PTPRD: variants seen among roughly 807,000 people sequenced by gnomAD.
PTPRD encodes protein tyrosine phosphatase receptor type D, also known as receptor-type tyrosine-protein phosphatase delta.
PTPRD carries 34 observed loss-of-function variants against 214.5 expected under a neutral mutation model. The observed-to-expected ratio is 0.16, with a 90% CI of 0.12 to 0.21. The LOEUF (loss-of-function observed/expected upper bound fraction) is 0.21, where lower values mean the gene tolerates loss of function less well. Among genes scored for constraint, PTPRD ranks in the 10% least tolerant of loss-of-function variants. PTPRD has a pLI of 1.00. For synonymous variants in PTPRD, 1,128 were observed against 845.7 expected (o/e 1.33, Z -5.79); for missense variants, 2,545 against 2,398.7 (o/e 1.06, Z -1.27).
intron 3 of PTPRD, among the ~76,000 whole-genome samples, chr9:10,304,486 A>G (rs559098459): frequency 6.6e-6 from 1 of 152,334 alleles, no homozygotes; most frequent in East Asian, 1.9e-4. Context: ...CTGTTTGCAG[A>G]TGACATGATT....
At chr9:8,629,792 C>A (rs577206976) in intron 14 of PTPRD, among the ~76,000 whole-genome samples, 5 of 151,900 alleles carry the variant, frequency 3.3e-5, no homozygotes, top group South Asian at 2.1e-4. Context: ...TCACCTCCCC[C>A]CTCTCCTACT....
intron 10 of PTPRD, among the ~76,000 whole-genome samples, chr9:9,134,440 C>A (rs973885404): frequency 1.1e-4 from 17 of 152,084 alleles, no homozygotes; most frequent in African/African-American, 2.4e-5. Context: ...TTGGCTTTAC[C>A]TTCTCACACC....
chr9:8,433,306 G>C (rs2095178976), intron 35 of PTPRD, among the ~76,000 whole-genome samples: 2 of 152,004 alleles, frequency 1.3e-5, no homozygotes, highest in Non-Finnish European at 2.9e-5. Context: ...CATACAATTA[G>C]GTACAGTACA....
chr9:9,422,195 T>C (rs1377787330), intron 8 of PTPRD, among the ~76,000 whole-genome samples: 11 of 152,136 alleles, frequency 7.2e-5, no homozygotes, highest in Admixed American at 7.2e-4. Context: ...TTATTATCTT[T>C]ATTTTAAAGA....
At position 10,594,316 on chromosome 9, in the gene PTPRD, T is replaced by C. The variant is rs182855691; in HGVS notation, c.-600+18082A>G. 3.6e-4 allele frequency among the ~76,000 whole-genome samples: 54 copies of C among 152,076 alleles called. No individual in the cohort carries two copies. In the East Asian group the frequency reaches 7.2e-3, roughly 20 times the overall value. On this transcript the variant is annotated intron_variant, in intron 2 of 45. Coordinates refer to ENST00000381196, the MANE Select transcript of PTPRD (RefSeq NM_002839.4). ...ACTGAACTGTATAATGTTTTTGCAG[T>C]CCTTATTACTGACACTAGAAGTGCC...
intron 6 of PTPRD, among the ~76,000 whole-genome samples, chr9:9,753,061 G>A (rs1404829868): frequency 6.6e-6 from 1 of 152,018 alleles, no homozygotes; most frequent in South Asian, 2.1e-4. Context: ...AGTATGCATT[G>A]TGAGAAGAAA....
At chr9:10,257,366 G>A (rs2498619) in intron 3 of PTPRD, among the ~76,000 whole-genome samples, 23,495 of 152,042 alleles carry the variant, frequency 0.15, 1,922 homozygotes, top group African/African-American at 0.19. Context: ...GGTACTGGTA[G>A]AGAAAGGCTC....
At chr9:9,126,565 A>T (rs1374736534) in intron 10 of PTPRD, among the ~76,000 whole-genome samples, 1 of 152,252 alleles carries the variant, frequency 6.6e-6, no homozygotes, top group Non-Finnish European at 1.5e-5. Context: ...AAACATTTCA[A>T]ATATTAAACA....
chr9:9,424,402 T>C (rs1458520269), intron 8 of PTPRD, among the ~76,000 whole-genome samples: 1 of 152,136 alleles, frequency 6.6e-6, no homozygotes, highest in Non-Finnish European at 1.5e-5. Context: ...CTGGCAACGG[T>C]CACTGGTTGA....
At chr9:8,624,814 A>C (rs2095960116) in intron 14 of PTPRD, among the ~76,000 whole-genome samples, 2 of 151,318 alleles carry the variant, frequency 1.3e-5, no homozygotes, top group Non-Finnish European at 3.0e-5. Flanking sequence ...CCTCTGTTTC[A>C]CTCTGTCTTT....
intron 4 of PTPRD, among the ~76,000 whole-genome samples, chr9:10,015,429 T>A (rs1567101570): frequency 6.6e-6 from 1 of 152,042 alleles, no homozygotes; most frequent in Admixed American, 6.6e-5. Flanking sequence ...ACACTCAAAT[T>A]ACTCATGCCT....
At chr9:9,604,028 T>C (rs1367762756) in intron 7 of PTPRD, among the ~76,000 whole-genome samples, 2 of 152,100 alleles carry the variant, frequency 1.3e-5, no homozygotes, top group African/African-American at 4.8e-5. Context: ...TATACTACTT[T>C]TAACTAAAAA....
intron 36 of PTPRD, among the ~76,000 whole-genome samples, chr9:8,401,367 T>G (rs1283339651): frequency 6.6e-6 from 1 of 152,170 alleles, no homozygotes; most frequent in Non-Finnish European, 1.5e-5. Context: ...CTCATTACAA[T>G]AAATCCTATT....
intron 34 of PTPRD, among the ~76,000 whole-genome samples, chr9:8,443,529 A>G (rs1404985171): frequency 6.6e-6 from 1 of 152,166 alleles, no homozygotes; most frequent in Non-Finnish European, 1.5e-5. Context: ...ATCACCTACC[A>G]TCCATGTATG....
At position 9,064,992 on chromosome 9, in the gene PTPRD, C is replaced by T. The variant is rs1363992762; in HGVS notation, c.-142-46257G>A. Among the ~76,000 whole-genome samples, 4 of 152,180 alleles carry T rather than the reference C, an allele frequency of 2.6e-5. No homozygotes were observed. In the East Asian group the frequency reaches 7.7e-4, roughly 29 times the overall value. On this transcript the variant is annotated intron_variant, in intron 10 of 45. Transcript: ENST00000381196. ...GAACAATCAGTCTCAAATACAGATTCATTTTTCATATGCCTGAACTTTTGG... is the reference window on the plus strand; with the variant it reads ...GAACAATCAGTCTCAAATACAGATTTATTTTTCATATGCCTGAACTTTTGG...
At chr9:10,564,351 C>A (rs549987002) in intron 2 of PTPRD, among the ~76,000 whole-genome samples, 1 of 150,736 alleles carries the variant, frequency 6.6e-6, no homozygotes, top group East Asian at 2.0e-4. Flanking sequence ...AACCGTTTTC[C>A]AGTGAACTAT....
intron 5 of PTPRD, among the ~76,000 whole-genome samples, chr9:9,895,490 A>T (rs1224638621): frequency 1.3e-5 from 2 of 151,856 alleles, no homozygotes; most frequent in East Asian, 1.9e-4. Flanking sequence ...TTTTTAAGTA[A>T]TTTTTCAAAT....
At chr9:9,106,193 A>G (rs529360698) in intron 10 of PTPRD, among the ~76,000 whole-genome samples, 70 of 152,138 alleles carry the variant, frequency 4.6e-4, no homozygotes, top group African/African-American at 1.6e-3. Flanking sequence ...GTTTCATTTA[A>G]TCTATGTTGA....
chr9:9,402,135 C>T (rs116783202), intron 8 of PTPRD, among the ~76,000 whole-genome samples: 2,253 of 151,908 alleles, frequency 0.015, 45 homozygotes, highest in African/African-American at 0.044. Flanking sequence ...CGACAGTAAA[C>T]GATCTTAATG....
Sources: allele counts gnomAD v4.1 joint callset (sites outside exome capture counted in the v4.1 genomes callset), GRCh38; gene constraint gnomAD v4.1.1; transcripts MANE v1.5; gene names NCBI Gene and HGNC (gene_info 2026-07-23, HGNC 2026-07-21).